The following SNX29 variants were observed in gnomAD, a reference collection of about 807,000 sequenced individuals.
SNX29 encodes the protein sorting nexin 29, also known as sorting nexin-29.
A neutral mutation model predicts 102.1 loss-of-function variants in SNX29; 78 were observed. That is an observed-to-expected ratio of 0.76 (90% CI 0.64 to 0.92). SNX29 has a LOEUF of 0.92. SNX29 is among the 40% of genes least tolerant of loss of function. SNX29 has a pLI of 0.00. For missense variants in SNX29, 1,280 were observed against 1,061.7 expected, an observed-to-expected ratio of 1.21 and a Z score of -2.86; for synonymous variants, 580 against 414.5, an observed-to-expected ratio of 1.40 and a Z score of -4.85.
chr16:12,307,413 T>C (rs1462973851), intron 15 of SNX29, among the ~76,000 whole-genome samples: 1 of 152,212 alleles, frequency 6.6e-6, no homozygotes, highest in Non-Finnish European at 1.5e-5. Flanking sequence ...AATGAGGTGA[T>C]GTCACTAACA....
At chr16:12,544,684 A>G (rs1379165826) in intron 20 of SNX29, among the ~76,000 whole-genome samples, 2 of 152,148 alleles carry the variant, frequency 1.3e-5, no homozygotes, top group African/African-American at 4.8e-5. Context: ...GAGCGCTGTC[A>G]CTCGAATTCT....
intron 11 of SNX29, among the ~76,000 whole-genome samples, chr16:12,099,423 G>A (rs145333417): frequency 1.1e-4 from 16 of 151,984 alleles, no homozygotes; most frequent in Non-Finnish European, 1.6e-4. Flanking sequence ...TATGTGTGAG[G>A]AAGGGCCAGT....
intron 18 of SNX29, among the ~76,000 whole-genome samples, chr16:12,464,379 G>A (rs1294186398): frequency 6.6e-6 from 1 of 152,102 alleles, no homozygotes; most frequent in African/African-American, 2.4e-5. Context: ...TAATACTGCA[G>A]TGAATATGCG....
At chr16:12,544,609 C>G (rs1038869764) in intron 20 of SNX29, among the ~76,000 whole-genome samples, 2 of 152,176 alleles carry the variant, frequency 1.3e-5, no homozygotes, top group South Asian at 2.1e-4. Flanking sequence ...TCACTCCTGA[C>G]TCTGCGTCAT....
intron 1 of SNX29, among the ~76,000 whole-genome samples, chr16:11,979,745 G>T (rs1480732499): frequency 1.3e-5 from 2 of 151,974 alleles, no homozygotes; most frequent in Non-Finnish European, 2.9e-5. Flanking sequence ...CACCATGCCC[G>T]GCTGAGTTTT....
At chr16:12,564,190 C>G (rs1051852018) in intron 20 of SNX29, among the ~76,000 whole-genome samples, 1 of 150,748 alleles carries the variant, frequency 6.6e-6, no homozygotes, top group Non-Finnish European at 1.5e-5. Flanking sequence ...GAGTTTGAGA[C>G]CGTCCTGGGC....
chr16:12,541,931 T>C (rs11645856), intron 20 of SNX29, among the ~76,000 whole-genome samples: 18,427 of 152,212 alleles, frequency 0.12, 1,382 homozygotes, highest in Non-Finnish European at 0.16. Context: ...CCACGGTACA[T>C]CCTGGGCCCA....
rs556074752 is a variant in SNX29, at chr16:12,322,613, T to A, written c.1783-33550T>A. Among the ~76,000 whole-genome samples the A allele has an allele frequency of 2.0e-5, 3 of 152,226 alleles. No individual in the cohort carries two copies. The South Asian group carries it at 6.2e-4, about 32-fold the overall frequency. ...AGTTCTAATACTCCTTTGGGTAACT[T>A]GGGGATCATCTCAAGCATCCTGTGC... On this transcript the variant is annotated intron_variant, in intron 15 of 20. Coordinates refer to ENST00000566228, the MANE Select transcript of SNX29 (RefSeq NM_032167.5).
At chr16:12,176,496 A>G (rs902832026) in intron 13 of SNX29, among the ~76,000 whole-genome samples, 2 of 152,258 alleles carry the variant, frequency 1.3e-5, no homozygotes, top group Admixed American at 6.5e-5. Flanking sequence ...GGAAGAACAT[A>G]CAAAATATCA....
At chr16:12,478,643 C>A (rs1233271906) in intron 19 of SNX29, among the ~76,000 whole-genome samples, 4 of 152,154 alleles carry the variant, frequency 2.6e-5, no homozygotes, top group Admixed American at 2.6e-4. Flanking sequence ...GGGCTTGGAG[C>A]CCTGTCAAAT....
chr16:12,245,770 C>T (rs2078242034), intron 14 of SNX29, among the ~76,000 whole-genome samples: 1 of 151,958 alleles, frequency 6.6e-6, no homozygotes, highest in Non-Finnish European at 1.5e-5. Context: ...GTTGGCAGCT[C>T]TGGGGCAGGC....
intron 13 of SNX29, among the ~76,000 whole-genome samples, chr16:12,145,225 A>G (rs892835039): frequency 1.3e-5 from 2 of 152,286 alleles, no homozygotes; most frequent in Middle Eastern, 3.4e-3. Flanking sequence ...AATTACCTTT[A>G]AATTGTGAAA....
intron 11 of SNX29, chr16:12,081,971 A>C (rs1337413352): frequency 6.6e-6 from 1 of 152,440 alleles, no homozygotes; most frequent in African/African-American, 2.4e-5. Flanking sequence ...GAGATGTGTC[A>C]GCGAGTCACA....
intron 20 of SNX29, among the ~76,000 whole-genome samples, chr16:12,551,788 A>G (rs964453319): frequency 6.6e-6 from 1 of 152,240 alleles, no homozygotes; most frequent in Non-Finnish European, 1.5e-5. Flanking sequence ...CTTCAGAAGC[A>G]CATGGGCATC....
chr16:12,269,816 A>ACAT (rs745357217), intron 14 of SNX29, among the ~76,000 whole-genome samples: 5 of 146,966 alleles, frequency 3.4e-5, no homozygotes, highest in African/African-American at 7.6e-5. Context: ...ATTTTACTTT[A>ACAT]CATCATCATC....
intron 3 of SNX29, among the ~76,000 whole-genome samples, chr16:12,010,144 A>G (rs548579105): frequency 6.6e-6 from 1 of 152,256 alleles, no homozygotes; most frequent in East Asian, 1.9e-4. Context: ...TTCATGTGCA[A>G]CCCTTAAAAC....
chr16:12,488,633 C>G (rs1043148471), intron 19 of SNX29, among the ~76,000 whole-genome samples: 5 of 152,150 alleles, frequency 3.3e-5, no homozygotes, highest in African/African-American at 1.2e-4. Context: ...TCCTTTCTCC[C>G]TCGTCCTATG....
chr16:12,389,808 A>T (rs1444855834), intron 16 of SNX29, among the ~76,000 whole-genome samples: 1 of 152,196 alleles, frequency 6.6e-6, no homozygotes, highest in East Asian at 1.9e-4. Flanking sequence ...GGAGAGGCTA[A>T]AAACAACCAC....
intron 20 of SNX29, among the ~76,000 whole-genome samples, chr16:12,542,556 T>G (rs2077389907): frequency 6.6e-6 from 1 of 152,178 alleles, no homozygotes; most frequent in Non-Finnish European, 1.5e-5. Flanking sequence ...GATCTTGAAC[T>G]CCTGACCTCA....
Sources: gnomAD v4.1 joint callset for allele counts (sites outside exome capture counted in the v4.1 genomes callset) on GRCh38, gnomAD v4.1.1 for gene constraint, MANE v1.5 for transcripts, NCBI Gene and HGNC (gene_info 2026-07-23, HGNC 2026-07-21) for gene names.